The following ASAP1 variants were observed in gnomAD, a reference collection of about 807,000 sequenced individuals.
ASAP1 encodes arf-GAP with SH3 domain, ANK repeat and PH domain-containing protein 1.
A neutral mutation model predicts 145.2 loss-of-function variants in ASAP1; 43 were observed. The observed-to-expected ratio is 0.30, with a 90% confidence interval of 0.23 to 0.38. The LOEUF is 0.38. Among genes scored for constraint, ASAP1 ranks in the 10% least tolerant of loss-of-function variants. The pLI, the probability that ASAP1 is intolerant of heterozygous loss-of-function variation, is 1.00. For missense variants in ASAP1, 1,018 were observed against 1,355.3 expected (o/e 0.75, Z 3.91); for synonymous variants, 546 against 515.5 (o/e 1.06, Z -0.80).
intron 2 of ASAP1, among the ~76,000 whole-genome samples, chr8:130,373,196 C>A (rs974177413): frequency 5.9e-4 from 86 of 146,200 alleles, no homozygotes; most frequent in African/African-American, 1.8e-3. Context: ...AAAAAAAAAA[C>A]CATGTAAATC....
intron 1 of ASAP1, among the ~76,000 whole-genome samples, chr8:130,418,801 C>A (rs1337854244): frequency 6.7e-6 from 1 of 149,042 alleles, no homozygotes; most frequent in African/African-American, 2.5e-5. Flanking sequence ...ATTATTCTTT[C>A]TTTTGTGGCA....
intron 3 of ASAP1, among the ~76,000 whole-genome samples, 185 bp downstream of exon 3, chr8:130,357,832 C>T (rs1025596263): frequency 6.6e-6 from 1 of 152,226 alleles, no homozygotes; most frequent in Non-Finnish European, 1.5e-5. Context: ...CCCGCAAGAC[C>T]CAGAAAGGGC....
chr8:130,426,698 C>T (rs754751541), intron 1 of ASAP1, among the ~76,000 whole-genome samples: 4 of 152,184 alleles, frequency 2.6e-5, no homozygotes, highest in Non-Finnish European at 4.4e-5. Flanking sequence ...CCCAAACTGC[C>T]GTGTGCTCAC....
intron 4 of ASAP1, among the ~76,000 whole-genome samples, chr8:130,217,975 A>G (rs139691776): frequency 2.8e-4 from 43 of 152,262 alleles, no homozygotes; most frequent in African/African-American, 9.4e-4. Context: ...TTAAAAATTC[A>G]TGGTGCCTGC....
At chr8:130,413,550 A>G (rs779894766) in intron 1 of ASAP1, among the ~76,000 whole-genome samples, 6 of 152,262 alleles carry the variant, frequency 3.9e-5, no homozygotes, top group Non-Finnish European at 8.8e-5. Flanking sequence ...AATAAAGTAT[A>G]TCTAAGAAAT....
At chr8:130,107,206 G>A (rs1406772208) in intron 24 of ASAP1, among the ~76,000 whole-genome samples, 2 of 119,582 alleles carry the variant, frequency 1.7e-5, no homozygotes, top group East Asian at 2.7e-4. Flanking sequence ...TTTTTGAGAC[G>A]GAGTCTCACC....
intron 3 of ASAP1, among the ~76,000 whole-genome samples, chr8:130,301,175 G>A (rs776381154): frequency 7.9e-5 from 12 of 152,112 alleles, no homozygotes; most frequent in Non-Finnish European, 1.0e-4. Flanking sequence ...AAAGATAAGT[G>A]GCTGGCATAA....
intron 5 of ASAP1, among the ~76,000 whole-genome samples, chr8:130,205,591 CTT>C (rs10679649): frequency 8.4e-5 from 10 of 119,228 alleles, no homozygotes; most frequent in Admixed American, 8.8e-5. Context: ...AAATACACGG[CTT>C]TTTTTTTTTT....
chr8:130,130,421 C>A (rs1042858309), intron 15 of ASAP1, among the ~76,000 whole-genome samples: 15 of 151,954 alleles, frequency 9.9e-5, no homozygotes, highest in African/African-American at 3.1e-4. Context: ...TCATGATAAT[C>A]AGAAAAAGTA....
At chr8:130,067,187 T>C (rs1045367436) in intron 27 of ASAP1, among the ~76,000 whole-genome samples, 7 of 152,212 alleles carry the variant, frequency 4.6e-5, no homozygotes, top group African/African-American at 1.7e-4. Context: ...ACATGCATGT[T>C]GCTGCAGTGT....
At chr8:130,330,980 T>C (rs909902655) in intron 3 of ASAP1, among the ~76,000 whole-genome samples, 6 of 152,196 alleles carry the variant, frequency 3.9e-5, no homozygotes, top group Admixed American at 1.3e-4. Flanking sequence ...AAAAATGGGC[T>C]TTGGCATCAG....
intron 1 of ASAP1, among the ~76,000 whole-genome samples, chr8:130,409,548 C>G (rs1363370585): frequency 6.6e-6 from 1 of 152,096 alleles, no homozygotes; most frequent in East Asian, 1.9e-4. Flanking sequence ...CTCTATCTTC[C>G]CAGGATAATC....
At chr8:130,056,462 T>G (rs2097404441) in intron 29 of ASAP1, among the ~76,000 whole-genome samples, 1 of 152,224 alleles carries the variant, frequency 6.6e-6, no homozygotes, top group African/African-American at 2.4e-5. Context: ...GTGGCATCCC[T>G]GGCCACTAAA....
chr8:130,080,540 A>G (rs1219585964), intron 25 of ASAP1, among the ~76,000 whole-genome samples: 2 of 151,334 alleles, frequency 1.3e-5, no homozygotes, highest in South Asian at 2.1e-4. Flanking sequence ...CAGTGGTGCA[A>G]TCATGGCTCA....
At chr8:130,213,862 G>A (rs1272317626) in intron 5 of ASAP1, among the ~76,000 whole-genome samples, 1 of 152,072 alleles carries the variant, frequency 6.6e-6, no homozygotes, top group Non-Finnish European at 1.5e-5. Context: ...GCTGGGGAGG[G>A]GGTTGCAGCA....
chr8:130,063,315 C>G (rs1163980630), intron 27 of ASAP1, among the ~76,000 whole-genome samples: 2 of 152,150 alleles, frequency 1.3e-5, no homozygotes, highest in Non-Finnish European at 2.9e-5. Flanking sequence ...GTAGCTAGGA[C>G]CACAGGTATG....
Position 130,236,994 on chromosome 8 carries a change from C to T in ASAP1, c.187G>A (p.Ala63Thr), listed in dbSNP as rs778526717. 1.3e-6 allele frequency: 2 copies of T among 1,579,052 alleles called. No individual in the cohort carries two copies. Among genetic ancestry groups the T allele is most frequent in the South Asian group, 1.2e-5 (1 of 84,882 alleles). The change falls in exon 4 of 30, where the codon GCT becomes ACT. Residue 63 changes from alanine to threonine, a missense_variant and splice_region_variant. By Grantham distance (58) the Ala-to-Thr change is moderately conservative (BLOSUM62 0). Coordinates refer to ENST00000518721, the MANE Select transcript of ASAP1 (RefSeq NM_018482.4). The stretch of plus-strand genomic sequence containing the variant: ...AGGGCTGTTCTATCTTGGTCTAGAG[C>T]CTAAAAGAGAAAAAAGGGGGAAAAG... ...CRNTVTLLEE[A>T]LDQDRTALQK... is the part of the protein sequence containing the mutation.
At chr8:130,183,010 T>C (rs185590684) in intron 7 of ASAP1, among the ~76,000 whole-genome samples, 13 of 151,856 alleles carry the variant, frequency 8.6e-5, no homozygotes, top group Admixed American at 8.5e-4. Flanking sequence ...GGAAGTCAAA[T>C]ATTATATAAT....
chr8:130,140,121 C>A (rs1258030844), intron 13 of ASAP1, among the ~76,000 whole-genome samples: 1 of 151,150 alleles, frequency 6.6e-6, no homozygotes, highest in Non-Finnish European at 1.5e-5. Flanking sequence ...CAGTCTCAAC[C>A]TCCTAGGCTC....
Sources: allele counts gnomAD v4.1 joint callset (sites outside exome capture counted in the v4.1 genomes callset), GRCh38; gene constraint gnomAD v4.1.1; transcripts MANE v1.5; gene names NCBI Gene and HGNC (gene_info 2026-07-23, HGNC 2026-07-21).